The following STAT6 variants were observed in gnomAD, a reference collection of about 807,000 sequenced individuals.
STAT6 encodes the protein signal transducer and activator of transcription 6.
STAT6 carries 45 observed loss-of-function variants against 106.3 expected under a neutral mutation model. That is an observed-to-expected ratio of 0.42 (90% CI 0.33 to 0.54). The LOEUF is 0.54. STAT6 is among the 20% of genes least tolerant of loss of function. The pLI is 0.06. For synonymous variants in STAT6, 413 were observed against 413.6 expected (o/e 1.00, Z 0.02); for missense variants, 797 against 1,062.2 (o/e 0.75, Z 3.47).
chr12:57,110,133 T>G (rs1238671834), intron 1 of STAT6: 1 of 152,380 alleles, frequency 6.6e-6, no homozygotes, highest in Admixed American at 6.5e-5. Flanking sequence ...AGAAAGGTCC[T>G]CTGGAGTGAG....
chr12:57,106,576 A>G lies in STAT6; in HGVS notation c.483T>C (p.Ser161=). 2 of 1,614,180 alleles carry G rather than the reference A, an allele frequency of 1.2e-6. No homozygotes were observed. Among genetic ancestry groups the G allele is most frequent in the Non-Finnish European group, 1.7e-6 (2 of 1,180,034 alleles). ...LQKGAEAGQV[S]LHSLIETPAN... ...CAGGAGTTTCTATCAAGCTGTGCAG[A>G]GACACTGAGGGTTGGGGGCAGAAAT... is the stretch of plus-strand genomic sequence containing the variant. The change falls in exon 6 of 22, where the codon TCT becomes TCC. Residue 161 remains serine, a synonymous_variant. Coordinates refer to ENST00000300134, the MANE Select transcript of STAT6 (RefSeq NM_003153.5).
Position 57,098,586 on chromosome 12 carries a change from T to C in STAT6, c.2078A>G (p.Tyr693Cys). ...QLGPDMVPQVYPPHSHSIPPY... is the reference protein window; with the variant it reads ...QLGPDMVPQVCPPHSHSIPPY... ...GGGGATGGAGTGAGAGTGTGGTGGG[T>C]ACACCTGGGGCCTGGGGAAAGAAAA... Residue 693 changes from tyrosine (Y) to cysteine (C), a missense_variant, in exon 19 of 22, where the codon TAC becomes TGC. By Grantham distance (194) the Tyr-to-Cys change is radical. This residue lies in a region of STAT6 where 226 missense variants were observed against 236.7 expected (regional missense o/e 0.95). Coordinates refer to ENST00000300134, the MANE Select transcript of STAT6 (RefSeq NM_003153.5). The C allele has an allele frequency of 1.2e-6, 2 of 1,613,770 alleles. No homozygotes were observed. Among genetic ancestry groups the C allele is most frequent in the Non-Finnish European group, 1.7e-6 (2 of 1,179,898 alleles).
At position 57,100,105 on chromosome 12, in the gene STAT6, G is replaced by A; in HGVS notation, c.1513-15C>T. 6.3e-7 allele frequency: 1 copy of A among 1,580,290 alleles called. No individual in the cohort carries two copies. Among genetic ancestry groups the A allele is most frequent in the Middle Eastern group, 1.7e-4 (1 of 6,022 alleles). On this transcript the variant is annotated splice_polypyrimidine_tract_variant and intron_variant, in intron 13 of 21. Transcript: ENST00000300134. The stretch of plus-strand genomic sequence containing the variant: ...AGCAGGATCTCCTAGGGGGAGAGGG[G>A]GAAAGGTGTGAGCCGAGGGAGGGCC...
chr12:57,108,035 C>T (rs2034380712), intron 2 of STAT6, 128 bp downstream of exon 2: 1 of 692,426 alleles, frequency 1.4e-6, no homozygotes, highest in African/African-American at 1.8e-5. Context: ...CCTGCTAAAT[C>T]TAGGTCACTA....
intron 17 of STAT6, 21 bp downstream of exon 17, chr12:57,098,993 CT>C (rs1565681446): frequency 1.2e-6 from 2 of 1,614,176 alleles, no homozygotes; most frequent in Non-Finnish European, 1.7e-6. Flanking sequence ...GACCTACCCA[CT>C]GTCCATACCA....
In STAT6 at chr12:57,106,565, A is replaced by T. The variant is rs1254444216; in HGVS notation, c.494T>A (p.Leu165Ter). Residue 165 changes from leucine to a stop codon, truncating the protein, a stop_gained, in exon 6 of 22, where the codon TTG (leucine) becomes TAG (stop). Coordinates refer to ENST00000300134, the MANE Select transcript of STAT6 (RefSeq NM_003153.5). LOFTEE classifies it high-confidence loss of function. ...AGTCCCATTAGCAGGAGTTTCTATC[A>T]AGCTGTGCAGAGACACTGAGGGTTG... Reference protein sequence around the residue: ...AEAGQVSLHSLIETPANGTGP... With the variant: ...AEAGQVSLHS 6.2e-7 allele frequency: 1 copy of T among 1,614,090 alleles called. No homozygotes were observed. Among genetic ancestry groups the T allele is most frequent in the South Asian group, 1.1e-5 (1 of 91,076 alleles).
In STAT6 at chr12:57,104,475, T is replaced by C; in HGVS notation, c.1201A>G (p.Ile401Val). ...GGGCCACGGTTCACCTGGAGCTGGA[T>C]GGGGAGTTTGCCGGGGCCAAGTGTG... ...SFTLGPGKLP[I>V]QLQALSLPLV... Residue 401 changes from isoleucine to valine, a missense_variant, in exon 11 of 22, where the codon ATC (isoleucine) becomes GTC (valine). This residue lies in a region of STAT6 where 222 missense variants were observed against 354.6 expected (regional missense o/e 0.63). Coordinates refer to ENST00000300134, the MANE Select transcript of STAT6 (RefSeq NM_003153.5). 6.2e-7 allele frequency: 1 copy of C among 1,608,916 alleles called. No individual in the cohort carries two copies.
Position 57,104,718 on chromosome 12 carries a change from C to T in STAT6, c.1089+8G>A. 6.2e-7 allele frequency: 1 copy of T among 1,614,120 alleles called. No homozygotes were observed. The highest frequency in any genetic ancestry group is 8.5e-7 in the Non-Finnish European group (1 of 1,180,000). ...GTGCCCCCCTCACTGCACCCCAAAG[C>T]CCCTCACCAGGTTCTTGAACAGGGC... On this transcript the variant is annotated splice_region_variant and intron_variant, in intron 10 of 21. Transcript: ENST00000300134.
In STAT6 at chr12:57,099,029, C is replaced by T. The variant is rs1443497545; in HGVS notation, c.1941G>A (p.Lys647=). ...DGRGYVPATI[K]MTVERDQPLP... ...ACCACACTCACCTTTCCACGGTCATCTTGATGGTAGCTGGGACATAACCCC... is the reference window on the plus strand; with the variant it reads ...ACCACACTCACCTTTCCACGGTCATTTTGATGGTAGCTGGGACATAACCCC... The change falls in exon 17 of 22, where the codon AAG becomes AAA. Residue 647 remains lysine (K), a synonymous_variant. Transcript: ENST00000300134. This position sits in a 1 kb window ranked among gnomAD's most constrained non-coding sequence, Gnocchi z 4.7. 4.3e-6 allele frequency: 7 copies of T among 1,614,164 alleles called. No individual in the cohort carries two copies. Among genetic ancestry groups the T allele is most frequent in the Non-Finnish European group, 5.9e-6 (7 of 1,180,040 alleles).
chr12:57,102,732 T>A, intron 12 of STAT6, 97 bp downstream of exon 12: 1 of 1,119,734 alleles, frequency 8.9e-7, no homozygotes. Context: ...GTCACACCCA[T>A]TTAAACATGC....
Position 57,098,640 on chromosome 12 carries a change from G to A in STAT6, c.2067-43C>T, listed in dbSNP as rs201983882. ...ACCCCCTGATGCCAGCCCTTCTCCT[G>A]GACACCACCACACCCTGCTTTTGAA... On this transcript the variant is annotated intron_variant, in intron 18 of 21. Transcript: ENST00000300134. 3.4e-5 allele frequency: 54 copies of A among 1,597,816 alleles called. No individual in the cohort carries two copies. In the African/African-American group the frequency reaches 6.3e-4, roughly 19 times the overall value.
In STAT6 at chr12:57,096,621, G is replaced by C; in HGVS notation, c.2495C>G (p.Ser832Cys). The change falls in exon 22 of 22, where the codon TCT becomes TGT. Residue 832 changes from serine (S) to cysteine (C), a missense_variant. Ser to Cys is a moderately radical substitution (Grantham distance 112). Transcript: ENST00000300134. Reference protein sequence around the residue: ...PLLQPSHYGQSGISMSHMDLR... With the variant: ...PLLQPSHYGQCGISMSHMDLR... Reference sequence around the variant, plus strand: ...GTCCATGTGGGACATTGAGATCCCAGATTGCCCATAGTGGGAGGGCTGCAG... The same window carrying C: ...GTCCATGTGGGACATTGAGATCCCACATTGCCCATAGTGGGAGGGCTGCAG... 1 of 1,608,572 alleles carries C rather than the reference G, an allele frequency of 6.2e-7. No homozygotes were observed. Among genetic ancestry groups the C allele is most frequent in the Non-Finnish European group, 8.5e-7 (1 of 1,178,150 alleles).
At chr12:57,098,028 C>T (rs1565680146) in intron 19 of STAT6, among the ~76,000 whole-genome samples, 1 of 152,128 alleles carries the variant, frequency 6.6e-6, no homozygotes, top group Non-Finnish European at 1.5e-5. Context: ...CACAATATAG[C>T]CTCAGTGTAT....
intron 19 of STAT6, among the ~76,000 whole-genome samples, chr12:57,097,783 C>A (rs145752459): frequency 6.6e-6 from 1 of 151,916 alleles, no homozygotes; most frequent in South Asian, 2.1e-4. Flanking sequence ...AAGAATTAGC[C>A]GAGTGTCGTG....
Position 57,096,317 on chromosome 12 carries a change from T to C in STAT6, c.*255A>G, listed in dbSNP as rs324015. 340,888 of 464,214 alleles carry C rather than the reference T, an allele frequency of 0.73. 127,211 individuals are homozygous for C. Among genetic ancestry groups the C allele is most frequent in the African/African-American group, 0.81 (39,920 of 49,534 alleles). 28.8% of individuals were successfully genotyped at this position (464,214 alleles called of 1,614,324 possible). A position where few individuals can be genotyped will look rare whatever the true frequency, so the allele number is the denominator to read the frequency against. On this transcript the variant is annotated 3_prime_UTR_variant, in exon 22 of 22. Coordinates refer to ENST00000300134, the MANE Select transcript of STAT6 (RefSeq NM_003153.5). ...CGCTGCAGGTGCAGGCATGTTGGGGTGTGTCTCAGAGCCTGAACTTCCCTT... is the reference window on the plus strand; with the variant it reads ...CGCTGCAGGTGCAGGCATGTTGGGGCGTGTCTCAGAGCCTGAACTTCCCTT...
At chr12:57,106,981 G>C in intron 4 of STAT6, 150 bp from the exon 5 acceptor site, 1 of 1,308,192 alleles carries the variant, frequency 7.6e-7, no homozygotes, top group Non-Finnish European at 1.0e-6. Context: ...GTGGAGATAA[G>C]ACCTTGCTCC....
In STAT6 at chr12:57,099,714, A is replaced by G; in HGVS notation, c.1744+53T>C. On this transcript the variant is annotated intron_variant, in intron 15 of 21. Coordinates refer to ENST00000300134, the MANE Select transcript of STAT6 (RefSeq NM_003153.5). The surrounding 1 kb of genome is among the most constrained non-coding windows in gnomAD (Gnocchi z 4.7). ...GGTCAGGACATTTCATTCCCAGAAG[A>G]AACCCCAGAGGGCACAGGCACAGAG... The G allele has an allele frequency of 6.2e-7, 1 of 1,607,200 alleles. No homozygotes were observed. The highest frequency in any genetic ancestry group is 8.5e-7 in the Non-Finnish European group (1 of 1,175,820).
At position 57,096,684 on chromosome 12, in the gene STAT6, C is replaced by T. The variant is rs1360394345; in HGVS notation, c.2432G>A (p.Gly811Glu). ...CCCCAAGGACCCTCCCCCCGACTCC[C>T]CTTGCCCCTCCAGGAGAAGCTTAGT... ...DLTKLLLEGQ[G>E]ESGGGSLGAQ... is the part of the protein sequence containing the mutation. The change falls in exon 22 of 22, where the codon GGG (glycine) becomes GAG (glutamate). Residue 811 changes from glycine (G) to glutamate (E), a missense_variant. By Grantham distance (98) the Gly-to-Glu change is moderately conservative. Transcript: ENST00000300134. The T allele has an allele frequency of 2.5e-6, 4 of 1,609,002 alleles. No individual in the cohort carries two copies. Among genetic ancestry groups the T allele is most frequent in the Non-Finnish European group, 3.4e-6 (4 of 1,178,456 alleles).
intron 18 of STAT6, 75 bp downstream of exon 18, chr12:57,098,717 G>C: frequency 6.4e-7 from 1 of 1,555,254 alleles, no homozygotes; most frequent in Non-Finnish European, 8.8e-7. Context: ...CCCAGTGCCA[G>C]CTCTCCCAGC....
Sources: allele counts gnomAD v4.1 joint callset (sites outside exome capture counted in the v4.1 genomes callset), GRCh38; gene constraint gnomAD v4.1.1; regional missense constraint gnomAD v4.1.1; non-coding constraint Gnocchi (gnomAD v3.1); transcripts MANE v1.5; gene names NCBI Gene and HGNC (gene_info 2026-07-23, HGNC 2026-07-21).